RNLS: variants seen among roughly 807,000 people sequenced by gnomAD.
RNLS encodes renalase.
In RNLS, 39 loss-of-function variants were observed where a neutral mutation model predicts 39.8. The observed-to-expected ratio is 0.98, with a 90% confidence interval of 0.76 to 1.28. The LOEUF (loss-of-function observed/expected upper bound fraction) is 1.28. RNLS is among the 50% of genes most tolerant of loss of function. The pLI is 0.00. For missense variants in RNLS, 410 were observed against 413.3 expected, an observed-to-expected ratio of 0.99 and a Z score of 0.07; for synonymous variants, 147 against 150.7, an observed-to-expected ratio of 0.98 and a Z score of 0.18.
downstream of RNLS, among the ~76,000 whole-genome samples, chr10:88,269,960 C>T (rs775038253): frequency 7.2e-5 from 11 of 152,100 alleles, no homozygotes; most frequent in Non-Finnish European, 1.5e-4. Flanking sequence ...TGGTTCTCCT[C>T]TCTCAGCCTC....
intron 5 of RNLS, among the ~76,000 whole-genome samples, chr10:88,343,034 C>A (rs577048333): frequency 1.1e-3 from 161 of 152,274 alleles, no homozygotes; most frequent in Non-Finnish European, 1.5e-3. Flanking sequence ...CTTTATAAAA[C>A]ATCTGCTGAC....
intron 4 of RNLS, among the ~76,000 whole-genome samples, chr10:88,559,868 C>T (rs950734256): frequency 1.3e-5 from 2 of 151,742 alleles, no homozygotes; most frequent in Non-Finnish European, 2.9e-5. Context: ...AAATACAAGT[C>T]ACCGAAAACT....
the RNLS span, among the ~76,000 whole-genome samples, chr10:88,261,356 G>A: frequency 6.6e-6 from 1 of 152,192 alleles, no homozygotes; most frequent in Non-Finnish European, 1.5e-5. Context: ...TTATGCTGCA[G>A]TAACAAACAC....
the RNLS span, among the ~76,000 whole-genome samples, chr10:88,245,768 G>T: frequency 6.6e-6 from 1 of 152,036 alleles, no homozygotes; most frequent in South Asian, 2.1e-4. Flanking sequence ...TATCATATAT[G>T]CCAGAAAAGC....
At chr10:88,222,369 T>A in the RNLS span, among the ~76,000 whole-genome samples, 1 of 152,176 alleles carries the variant, frequency 6.6e-6, no homozygotes, top group Non-Finnish European at 1.5e-5. Context: ...AACCTCCTGG[T>A]AGATTATAAA....
the RNLS span, among the ~76,000 whole-genome samples, chr10:88,203,268 GTATATA>G: frequency 1.2e-4 from 2 of 16,790 alleles, no homozygotes; most frequent in Admixed American, 7.0e-4. Flanking sequence ...GTGTGTGTAT[GTATATA>G]TATATATATA....
intron 6 of RNLS, among the ~76,000 whole-genome samples, chr10:88,306,002 T>C (rs1294389306): frequency 6.6e-6 from 1 of 152,046 alleles, no homozygotes; most frequent in East Asian, 1.9e-4. Flanking sequence ...CACAATCAAA[T>C]TAGAAATCAA....
the RNLS span, among the ~76,000 whole-genome samples, chr10:88,251,601 T>A: frequency 2.0e-5 from 3 of 152,178 alleles, no homozygotes; most frequent in African/African-American, 4.8e-5. Context: ...TCTCTTCTCT[T>A]TAGTTTTGCA....
At chr10:88,276,204 T>A (rs1350519092) in intron 6 of RNLS, among the ~76,000 whole-genome samples, 1 of 152,220 alleles carries the variant, frequency 6.6e-6, no homozygotes, top group Admixed American at 6.5e-5. Context: ...AAGGACATAC[T>A]TTTATTATAA....
rs772719854 is a variant in RNLS at position 88,416,110 on chromosome 10, AATACT to A, written c.527-53390_527-53386del. Among the ~76,000 whole-genome samples, 59 of 151,976 alleles carry A rather than the reference AATACT, an allele frequency of 3.9e-4. No homozygotes were observed. The Middle Eastern group carries it at 0.014, about 35-fold the overall frequency. Reference sequence around the variant, plus strand: ...AACTCCTACTCTCCTTTGCTTGGAGAATACTATACAATGAATTCTAGGTAGGTGAA... The same window carrying A: ...AACTCCTACTCTCCTTTGCTTGGAGAATACAATGAATTCTAGGTAGGTGAA... On this transcript the variant is annotated intron_variant, in intron 4 of 6. Transcript: ENST00000331772.
At chr10:88,220,954 C>T in the RNLS span, among the ~76,000 whole-genome samples, 18 of 152,288 alleles carry the variant, frequency 1.2e-4, no homozygotes, top group South Asian at 8.3e-4. Flanking sequence ...TGACAGAGTT[C>T]GGATTGAGTT....
At chr10:88,446,588 A>C (rs1842049302) in intron 4 of RNLS, among the ~76,000 whole-genome samples, 1 of 152,168 alleles carries the variant, frequency 6.6e-6, no homozygotes, top group African/African-American at 2.4e-5. Context: ...AAAGAAGAAA[A>C]TAGAGGAGAA....
chr10:88,382,996 A>G (rs1405011826), intron 4 of RNLS, among the ~76,000 whole-genome samples: 1 of 152,118 alleles, frequency 6.6e-6, no homozygotes, highest in Admixed American at 6.5e-5. Flanking sequence ...GCTTTTCAAA[A>G]TGTAAGGCAT....
At chr10:88,217,660 G>T in the RNLS span, among the ~76,000 whole-genome samples, 1 of 143,666 alleles carries the variant, frequency 7.0e-6, no homozygotes, top group Non-Finnish European at 1.5e-5. Context: ...TAGAGCAAAT[G>T]AAAATTCTTA....
At chr10:88,443,574 G>A (rs938934456) in intron 4 of RNLS, among the ~76,000 whole-genome samples, 8 of 152,218 alleles carry the variant, frequency 5.3e-5, no homozygotes, top group Non-Finnish European at 1.0e-4. Context: ...GCCAAGCAAA[G>A]CTGTGACAGA....
chr10:88,206,303 T>A, the RNLS span, among the ~76,000 whole-genome samples: 1 of 152,284 alleles, frequency 6.6e-6, no homozygotes, highest in East Asian at 1.9e-4. Context: ...GACAACTAAT[T>A]TCCTGCATCA....
intron 5 of RNLS, among the ~76,000 whole-genome samples, chr10:88,330,023 G>C (rs953749020): frequency 2.7e-5 from 4 of 147,518 alleles, no homozygotes; most frequent in Non-Finnish European, 4.5e-5. Flanking sequence ...TGTTGTTCTT[G>C]TTGGACGACT....
intron 5 of RNLS, among the ~76,000 whole-genome samples, chr10:88,342,145 T>C (rs1415417413): frequency 2.0e-5 from 3 of 152,212 alleles, no homozygotes; most frequent in East Asian, 1.9e-4. Context: ...CCTCCATTTC[T>C]TTCCTATTTC....
the RNLS span, among the ~76,000 whole-genome samples, chr10:88,246,735 T>G: frequency 1.3e-5 from 2 of 152,162 alleles, no homozygotes; most frequent in Non-Finnish European, 2.9e-5. Context: ...CATCACAGCT[T>G]TAACCATTCC....
Sources: gnomAD v4.1 joint callset for allele counts (sites outside exome capture counted in the v4.1 genomes callset) on GRCh38, gnomAD v4.1.1 for gene constraint, MANE v1.5 for transcripts, NCBI Gene and HGNC (gene_info 2026-07-23, HGNC 2026-07-21) for gene names.